The following CHD6 variants were observed in gnomAD, a reference collection of about 807,000 sequenced individuals.
CHD6 encodes the protein ATP-dependent chromatin remodeler CHD6.
In CHD6, 50 loss-of-function variants were observed where a neutral mutation model predicts 276.9. The ratio of observed to expected loss-of-function variants is 0.18; its 90% CI spans 0.14 to 0.23. The LOEUF is 0.23. Ranked by LOEUF, CHD6 falls within the 10% of genes least tolerant of loss-of-function variation. The pLI is 1.00. For missense variants in CHD6, 2,564 were observed against 3,365.8 expected (o/e 0.76, Z 5.89); for synonymous variants, 1,173 against 1,229.3 (o/e 0.95, Z 0.96).
Position 41,404,905 on chromosome 20 carries a change from A to C in CHD6, c.7836T>G (p.Phe2612Leu). The part of the protein sequence containing the change: ...TTSSPVAFNP[F>L]LIPGVSPGLI... ...GTCCAGGAGATACTCCTGGGATGAG[A>C]AATGGGTTAAAAGCCACAGGACTAC... Residue 2612 changes from phenylalanine (F) to leucine (L), a missense_variant, in exon 37 of 37, where the codon TTT becomes TTG. Coordinates refer to ENST00000373233, the MANE Select transcript of CHD6 (RefSeq NM_032221.5). 1 of 1,614,126 alleles carries C rather than the reference A, an allele frequency of 6.2e-7. No individual in the cohort carries two copies. Among genetic ancestry groups the C allele is most frequent in the Middle Eastern group, 1.7e-4 (1 of 6,060 alleles).
chr20:41,443,718 G>A (rs1005424997), intron 25 of CHD6, among the ~76,000 whole-genome samples: 1 of 152,136 alleles, frequency 6.6e-6, no homozygotes, highest in Non-Finnish European at 1.5e-5. Context: ...TTGGACCACA[G>A]AGCTTTTTCT....
At chr20:41,556,071 G>A (rs1415792823) in intron 1 of CHD6, among the ~76,000 whole-genome samples, 424 of 151,554 alleles carry the variant, frequency 2.8e-3, no homozygotes, top group Non-Finnish European at 4.7e-3. Flanking sequence ...CCAACACAGC[G>A]AAACCCCGTC....
intron 1 of CHD6, among the ~76,000 whole-genome samples, chr20:41,586,295 C>T (rs921394475): frequency 1.9e-4 from 29 of 152,370 alleles, no homozygotes; most frequent in Admixed American, 1.4e-3. Context: ...TTCACCCCTC[C>T]GGATCCGGCA....
intron 23 of CHD6, 30 bp downstream of exon 23, chr20:41,450,916 C>T (rs200948853): frequency 1.3e-6 from 2 of 1,593,092 alleles, no homozygotes; most frequent in South Asian, 2.3e-5. Context: ...GCCGGGCTGC[C>T]ACCAGGGTAT....
At chr20:41,581,113 T>G (rs977554148) in intron 1 of CHD6, among the ~76,000 whole-genome samples, 1 of 152,244 alleles carries the variant, frequency 6.6e-6, no homozygotes, top group Admixed American at 6.5e-5. Flanking sequence ...ATTGGATTTG[T>G]CTAATATTCA....
chr20:41,583,502 C>A (rs2045561982), intron 1 of CHD6, among the ~76,000 whole-genome samples: 1 of 152,010 alleles, frequency 6.6e-6, no homozygotes. Context: ...TGTCGGCATA[C>A]CTGCACTACA....
chr20:41,601,811 G>A (rs945194654), intron 1 of CHD6, among the ~76,000 whole-genome samples: 4 of 152,178 alleles, frequency 2.6e-5, no homozygotes, highest in South Asian at 2.1e-4. Context: ...GGCATATCGT[G>A]AGCACTCAAT....
Position 41,582,386 on chromosome 20 carries a change from T to G in CHD6, c.-23-31026A>C, listed in dbSNP as rs2045550156. 4.6e-5 allele frequency among the ~76,000 whole-genome samples: 7 copies of G among 152,232 alleles called. No homozygotes were observed. The South Asian group carries it at 1.5e-3, about 32-fold the overall frequency. Reference sequence around the variant, plus strand: ...TTTAGGGTATTATAAAAGGAAACAATATGGAAATGTGAAACTTTATAATAA... The same window carrying G: ...TTTAGGGTATTATAAAAGGAAACAAGATGGAAATGTGAAACTTTATAATAA... On this transcript the variant is annotated intron_variant, in intron 1 of 36. Coordinates refer to ENST00000373233, the MANE Select transcript of CHD6 (RefSeq NM_032221.5).
chr20:41,575,448 C>G (rs1601157935), intron 1 of CHD6, among the ~76,000 whole-genome samples: 1 of 152,156 alleles, frequency 6.6e-6, no homozygotes, highest in Non-Finnish European at 1.5e-5. Flanking sequence ...GCTTTCTTCA[C>G]ATATGCACCT....
At chr20:41,491,601 C>G (rs147077568) in intron 11 of CHD6, 97 bp downstream of exon 11, 4 of 1,377,016 alleles carry the variant, frequency 2.9e-6, no homozygotes, top group Non-Finnish European at 3.1e-6. Flanking sequence ...CCATGCTGCT[C>G]CCTCTCACCA....
intron 3 of CHD6, among the ~76,000 whole-genome samples, chr20:41,516,291 C>G (rs1235918508): frequency 6.6e-6 from 1 of 152,198 alleles, no homozygotes; most frequent in East Asian, 1.9e-4. Flanking sequence ...TCCCCTGTAG[C>G]TGGGATTACA....
chr20:41,507,768 T>C (rs191125654), intron 5 of CHD6, among the ~76,000 whole-genome samples: 139 of 152,310 alleles, frequency 9.1e-4, no homozygotes, highest in African/African-American at 3.2e-3. Flanking sequence ...CAGAGATTTA[T>C]ATAATCTTAA....
Position 41,405,382 on chromosome 20 carries a change from A to G in CHD6, c.7359T>C (p.Ala2453=), listed in dbSNP as rs746253120. 1.2e-5 allele frequency: 19 copies of G among 1,614,146 alleles called. No homozygotes were observed. Among genetic ancestry groups the G allele is most frequent in the Non-Finnish European group, 1.4e-5 (17 of 1,179,996 alleles). ...AGGGAGAGTCTGCCACAATGGAAGG[A>G]GCCTTCAGGAGTTCGCTCCGAGGCC... ...GRRPRSELLK[A]PSIVADSPSG... Residue 2453 remains alanine, a synonymous_variant, in exon 37 of 37, where the codon GCT becomes GCC. Transcript: ENST00000373233.
In CHD6 at chr20:41,513,007, A is replaced by G; in HGVS notation, c.703-12T>C. ...CCCGAGCGTCGTTTCTGTAGGGCAAACACACCCGTCAGAGAAGCTCTCTGA... is the reference window on the plus strand; with the variant it reads ...CCCGAGCGTCGTTTCTGTAGGGCAAGCACACCCGTCAGAGAAGCTCTCTGA... On this transcript the variant is annotated splice_polypyrimidine_tract_variant and intron_variant, in intron 4 of 36. Transcript: ENST00000373233. 1.2e-6 allele frequency: 2 copies of G among 1,613,950 alleles called. No individual in the cohort carries two copies. Among genetic ancestry groups the G allele is most frequent in the Non-Finnish European group, 1.7e-6 (2 of 1,179,862 alleles).
At chr20:41,589,667 T>G (rs922872872) in intron 1 of CHD6, among the ~76,000 whole-genome samples, 2 of 152,154 alleles carry the variant, frequency 1.3e-5, no homozygotes, top group African/African-American at 4.8e-5. Context: ...ACAAGGAATG[T>G]GAAGTACCTC....
intron 3 of CHD6, among the ~76,000 whole-genome samples, chr20:41,523,403 A>T (rs1443589293): frequency 1.3e-5 from 2 of 152,194 alleles, no homozygotes; most frequent in African/African-American, 4.8e-5. Flanking sequence ...TTGAGAGTCA[A>T]AGTAACTATT....
intron 3 of CHD6, among the ~76,000 whole-genome samples, chr20:41,530,491 A>G (rs1160561633): frequency 2.0e-5 from 3 of 152,352 alleles, no homozygotes; most frequent in East Asian, 1.9e-4. Flanking sequence ...ACTTGAGCCA[A>G]TCTGCAAGAG....
intron 25 of CHD6, among the ~76,000 whole-genome samples, chr20:41,443,947 G>A (rs1358606059): frequency 2.6e-5 from 4 of 152,174 alleles, no homozygotes; most frequent in African/African-American, 7.2e-5. Context: ...GGGTGGGGGA[G>A]GAAGAAGTAG....
intron 3 of CHD6, among the ~76,000 whole-genome samples, chr20:41,530,972 C>T (rs766122944): frequency 2.0e-5 from 3 of 152,162 alleles, no homozygotes; most frequent in South Asian, 2.1e-4. Flanking sequence ...AATCAAGTTG[C>T]GTTAATATTG....
Sources: allele counts gnomAD v4.1 joint callset (sites outside exome capture counted in the v4.1 genomes callset), GRCh38; gene constraint gnomAD v4.1.1; transcripts MANE v1.5; gene names NCBI Gene and HGNC (gene_info 2026-07-23, HGNC 2026-07-21).